The following ADGRL2 variants were observed in gnomAD, a reference collection of about 807,000 sequenced individuals.
ADGRL2 encodes calcium-independent alpha-latrotoxin receptor 2.
In ADGRL2, 44 loss-of-function variants were observed where a neutral mutation model predicts 157.4. The observed-to-expected ratio is 0.28, with a 90% confidence interval of 0.22 to 0.36. ADGRL2 has a LOEUF of 0.36. Ranked by LOEUF, ADGRL2 falls within the 10% of genes least tolerant of loss-of-function variation. The probability of loss-of-function intolerance (pLI) is 1.00; values close to 1 mark genes in which losing one functional copy is unlikely to be tolerated. For missense variants in ADGRL2, 1,510 were observed against 1,768.9 expected (o/e 0.85, Z 2.63); for synonymous variants, 585 against 624.7 (o/e 0.94, Z 0.95).
chr1:81,415,843 CTTTT>C (rs35114762), intron 1 of ADGRL2, among the ~76,000 whole-genome samples: 1 of 137,854 alleles, frequency 7.3e-6, no homozygotes, highest in Non-Finnish European at 1.6e-5. Context: ...TCTCCTTTTC[CTTTT>C]TTTTTTTTTT....
chr1:81,872,949 T>C (rs2093738056), intron 2 of ADGRL2, among the ~76,000 whole-genome samples: 1 of 152,124 alleles, frequency 6.6e-6, no homozygotes, highest in Admixed American at 6.6e-5. Flanking sequence ...TTTTTTCAGC[T>C]ATATCAGCTT....
intron 1 of ADGRL2, among the ~76,000 whole-genome samples, chr1:81,403,007 G>T (rs2076783923): frequency 6.6e-6 from 1 of 152,210 alleles, no homozygotes. Context: ...CACTCACTTT[G>T]CAAACAACCT....
At position 81,339,886 on chromosome 1, in the gene ADGRL2, T is replaced by G. The variant is rs116447452; in HGVS notation, c.-302+33377T>G. On this transcript the variant is annotated intron_variant, in intron 1 of 24. Coordinates refer to the ADGRL2 transcript ENST00000370721. ...TCAGCCATGAGTTCTCTTAAGTTCATATGTTCCTTCCTCTGTAGTTCTTAC... is the reference window on the plus strand; with the variant it reads ...TCAGCCATGAGTTCTCTTAAGTTCAGATGTTCCTTCCTCTGTAGTTCTTAC... Among the ~76,000 whole-genome samples the G allele has an allele frequency of 8.6e-3, 1,314 of 152,358 alleles. 17 individuals carry two copies. Among genetic ancestry groups the G allele is most frequent in the African/African-American group, 0.03 (1,254 of 41,582 alleles).
chr1:81,727,925 T>C (rs1182736058), intron 1 of ADGRL2, among the ~76,000 whole-genome samples: 3 of 152,098 alleles, frequency 2.0e-5, no homozygotes, highest in African/African-American at 7.2e-5. Context: ...GGCAAAGGTT[T>C]TTGTCTGTTT....
rs190970377 is a variant in ADGRL2, at chr1:81,346,731, A to G, written c.-302+40222A>G. Among the ~76,000 whole-genome samples the G allele has an allele frequency of 9.2e-5, 14 of 152,300 alleles. No individual in the cohort carries two copies. In the East Asian group the frequency reaches 2.7e-3, roughly 29 times the overall value. Reference sequence around the variant, plus strand: ...AAGATCAGAAACTGAAGCAACTAGCACCTTGATCTTGGACTTCCCAGCCTC... The same window carrying G: ...AAGATCAGAAACTGAAGCAACTAGCGCCTTGATCTTGGACTTCCCAGCCTC... On this transcript the variant is annotated intron_variant, in intron 1 of 24. Coordinates refer to the ADGRL2 transcript ENST00000370721.
At chr1:81,911,203 G>A (rs2094712917) in intron 3 of ADGRL2, among the ~76,000 whole-genome samples, 1 of 152,074 alleles carries the variant, frequency 6.6e-6, no homozygotes, top group Non-Finnish European at 1.5e-5. Context: ...ACTGTCTTAA[G>A]TATTCTGAGA....
Position 81,577,357 on chromosome 1 carries a change from A to C in ADGRL2, c.-247-3519A>C, listed in dbSNP as rs114929881. Among the ~76,000 whole-genome samples the C allele has an allele frequency of 3.9e-3, 588 of 152,118 alleles. 9 individuals are homozygous for C. The highest frequency in any genetic ancestry group is 0.013 in the African/African-American group (553 of 41,484). On this transcript the variant is annotated intron_variant, in intron 2 of 24. Transcript: ENST00000370721. ...TACTCCTTGAGTCCTTCTACCTTAC[A>C]TCTTAATTCTGTATGTTTCACGTGG...
intron 2 of ADGRL2, chr1:81,506,081 T>C (rs1054496568): frequency 1.8e-5 from 3 of 163,336 alleles, no homozygotes; most frequent in African/African-American, 4.8e-5. Context: ...CAACCAAAAC[T>C]GTGGTGTTTG....
chr1:81,638,042 C>T (rs926693513), intron 3 of ADGRL2, among the ~76,000 whole-genome samples: 3 of 151,794 alleles, frequency 2.0e-5, no homozygotes, highest in Non-Finnish European at 4.4e-5. Flanking sequence ...CTTCATATAC[C>T]GTGTTGGTCC....
At chr1:81,952,642 A>G (rs1652217206) in intron 9 of ADGRL2, among the ~76,000 whole-genome samples, 1 of 152,072 alleles carries the variant, frequency 6.6e-6, no homozygotes, top group South Asian at 2.1e-4. Context: ...CAAAAGTTGG[A>G]TTGCTACTTT....
At chr1:81,951,765 T>TTGTG (rs150636423) in intron 8 of ADGRL2, among the ~76,000 whole-genome samples, 192 bp from the exon 9 acceptor site, 2 of 151,114 alleles carry the variant, frequency 1.3e-5, no homozygotes, top group East Asian at 1.9e-4. Flanking sequence ...TGGTTCAGAA[T>TTGTG]TGTGTGTGTG....
rs143901719 is a variant in ADGRL2 at position 81,339,897 on chromosome 1, C to T, written c.-302+33388C>T. 7.4e-3 allele frequency among the ~76,000 whole-genome samples: 1,132 copies of T among 152,238 alleles called. 14 individuals are homozygous for T. Among genetic ancestry groups the T allele is most frequent in the African/African-American group, 0.026 (1,087 of 41,544 alleles). On this transcript the variant is annotated intron_variant, in intron 1 of 24. Transcript: ENST00000370721. Reference sequence around the variant, plus strand: ...TTCTCTTAAGTTCATATGTTCCTTCCTCTGTAGTTCTTACCTACGTTTCTT... The same window carrying T: ...TTCTCTTAAGTTCATATGTTCCTTCTTCTGTAGTTCTTACCTACGTTTCTT...
At chr1:81,448,110 CTCTTT>C (rs1415853348) in intron 2 of ADGRL2, among the ~76,000 whole-genome samples, 2 of 150,174 alleles carry the variant, frequency 1.3e-5, no homozygotes, top group Non-Finnish European at 3.0e-5. Context: ...CCAATTAAAC[CTCTTT>C]TCTTTTTCTT....
intron 19 of ADGRL2, among the ~76,000 whole-genome samples, chr1:81,984,064 A>G (rs910214035): frequency 6.6e-6 from 1 of 152,016 alleles, no homozygotes; most frequent in Non-Finnish European, 1.5e-5. Context: ...TCTTGTGCCA[A>G]AGTAGTCTTG....
chr1:81,425,095 C>A (rs1232510007), intron 1 of ADGRL2, among the ~76,000 whole-genome samples: 1 of 152,062 alleles, frequency 6.6e-6, no homozygotes, highest in Non-Finnish European at 1.5e-5. Flanking sequence ...TAGCTCCATT[C>A]CATTCTGGAG....
In ADGRL2 at chr1:81,993,882, T is replaced by A. The variant is rs1375465420; in HGVS notation, c.*2737T>A. On this transcript the variant is annotated 3_prime_UTR_variant, in exon 24 of 24. Coordinates refer to ENST00000686636, the MANE Select transcript of ADGRL2 (RefSeq NM_001366006.2). ...AAGTTCTTCCTAGAGACATTCACTC[T>A]GTCTTTATTAAAAATAATAATAATA... The A allele has an allele frequency of 5.8e-6, 1 of 172,538 alleles. No individual in the cohort carries two copies. Among genetic ancestry groups the A allele is most frequent in the Non-Finnish European group, 1.2e-5 (1 of 80,078 alleles). 10.7% of individuals were successfully genotyped at this position (172,538 alleles called of 1,614,324 possible).
intron 1 of ADGRL2, among the ~76,000 whole-genome samples, chr1:81,707,624 G>T (rs899546728): frequency 6.7e-6 from 1 of 150,188 alleles, no homozygotes; most frequent in Non-Finnish European, 1.5e-5. Flanking sequence ...ATCTTTCCTC[G>T]GCTTTTGCTT....
rs76182090 is a variant in ADGRL2, at chr1:81,989,482, A to G, written c.3656-909A>G. Among the ~76,000 whole-genome samples, 15 of 152,314 alleles carry G rather than the reference A, an allele frequency of 9.8e-5. No individual in the cohort carries two copies. The East Asian group carries it at 1.5e-3, about 16-fold the overall frequency. ...CCACTAGAAGCCTGGGGCCATTGCT[A>G]TTAGAGAGATTATTAGTACCAAATA... is the stretch of plus-strand genomic sequence containing the variant. On this transcript the variant is annotated intron_variant, in intron 23 of 23. Transcript: ENST00000686636.
At chr1:81,806,074 T>C (rs1414802123) in intron 1 of ADGRL2, among the ~76,000 whole-genome samples, 1 of 152,044 alleles carries the variant, frequency 6.6e-6, no homozygotes, top group Non-Finnish European at 1.5e-5. Context: ...AGAAAACGAA[T>C]TTAGAAATGG....
Sources: gnomAD v4.1 joint callset for allele counts (sites outside exome capture counted in the v4.1 genomes callset) on GRCh38, gnomAD v4.1.1 for gene constraint, MANE v1.5 for transcripts, NCBI Gene and HGNC (gene_info 2026-07-23, HGNC 2026-07-21) for gene names.